ZSCAN4: variants seen among roughly 807,000 people sequenced by gnomAD.
The protein encoded by ZSCAN4 is zinc finger and SCAN domain containing 4, also known as zinc finger and SCAN domain-containing protein 4.
ZSCAN4 carries 18 observed loss-of-function variants against 18.3 expected under a neutral mutation model. The ratio of observed to expected loss-of-function variants is 0.98; its 90% CI spans 0.68 to 1.46. The LOEUF is 1.46. ZSCAN4 is among the 40% of genes most tolerant of loss of function. The probability of loss-of-function intolerance (pLI) is 0.00; values close to 1 mark genes in which losing one functional copy is unlikely to be tolerated. For missense variants in ZSCAN4, 498 were observed against 511.4 expected, an observed-to-expected ratio of 0.97 and a Z score of 0.25; for synonymous variants, 193 against 180.3, an observed-to-expected ratio of 1.07 and a Z score of -0.57.
intron 2 of ZSCAN4, among the ~76,000 whole-genome samples, chr19:57,671,970 A>C (rs1568450531): frequency 6.6e-6 from 1 of 152,224 alleles, no homozygotes. Flanking sequence ...AAATTGCACA[A>C]ATCTTTGAAA....
chr19:57,656,696 C>T, the ZSCAN4 span, among the ~76,000 whole-genome samples: 1 of 152,356 alleles, frequency 6.6e-6, no homozygotes, highest in South Asian at 2.1e-4. Flanking sequence ...ATTTGTGAAA[C>T]CTCTATCTAA....
At chr19:57,674,700 G>A (rs1984124261) in intron 2 of ZSCAN4, among the ~76,000 whole-genome samples, 1 of 152,080 alleles carries the variant, frequency 6.6e-6, no homozygotes. Flanking sequence ...TGGATCAAAT[G>A]ATGGTTCTAT....
chr19:57,673,755 T>G (rs34029313), intron 2 of ZSCAN4, among the ~76,000 whole-genome samples: 51,502 of 150,922 alleles, frequency 0.34, 8,985 homozygotes, highest in Non-Finnish European at 0.39. Flanking sequence ...TGATGATTAT[T>G]ATTATTATTA....
the ZSCAN4 span, among the ~76,000 whole-genome samples, chr19:57,653,323 G>A: frequency 6.7e-6 from 1 of 150,156 alleles, no homozygotes; most frequent in African/African-American, 2.5e-5. Context: ...GTAGGTGGAG[G>A]TTGCAGTGAG....
the ZSCAN4 span, among the ~76,000 whole-genome samples, chr19:57,653,020 C>T: frequency 6.6e-6 from 1 of 152,236 alleles, no homozygotes; most frequent in Non-Finnish European, 1.5e-5. Context: ...TTGGGGCCTT[C>T]GTTGTCCCCA....
At chr19:57,664,250 AGGGGTCGGGGGTC>A (rs1983795065), upstream of ZSCAN4, 1 of 102,350 alleles carries the variant, frequency 9.8e-6, no homozygotes, top group Non-Finnish European at 2.0e-5. Flanking sequence ...GATGAAAGTG[AGGGGTCGGGGGTC>A]GGGGTCGGGC....
the ZSCAN4 span, among the ~76,000 whole-genome samples, chr19:57,655,266 A>G: frequency 6.6e-5 from 10 of 152,184 alleles, no homozygotes; most frequent in Non-Finnish European, 1.2e-4. Context: ...ACGTGGGCCC[A>G]TCCTAGAACA....
intron 2 of ZSCAN4, among the ~76,000 whole-genome samples, chr19:57,671,305 G>A (rs776132401): frequency 6.6e-6 from 1 of 151,998 alleles, no homozygotes; most frequent in Non-Finnish European, 1.5e-5. Context: ...TTAGAGCTCC[G>A]GTAGCCTTGT....
chr19:57,664,234 T>C (rs1160292642), upstream of ZSCAN4: 1 of 108,778 alleles, frequency 9.2e-6, no homozygotes, highest in African/African-American at 3.6e-5. Context: ...AAGAAATTCC[T>C]GGGCAGATGA....
chr19:57,661,245 C>T, the ZSCAN4 span, among the ~76,000 whole-genome samples: 22,298 of 152,180 alleles, frequency 0.15, 1,707 homozygotes, highest in Middle Eastern at 0.18. Flanking sequence ...ACCCCTCCTT[C>T]TTCCACAACC....
At chr19:57,666,354 G>C (rs1983847676), upstream of ZSCAN4, among the ~76,000 whole-genome samples, 1 of 152,072 alleles carries the variant, frequency 6.6e-6, no homozygotes. Context: ...TTCTCTTTAC[G>C]ACTGTTGTAG....
chr19:57,659,542 G>A, the ZSCAN4 span, among the ~76,000 whole-genome samples: 3 of 152,112 alleles, frequency 2.0e-5, no homozygotes, highest in African/African-American at 7.2e-5. Context: ...ATTGCAAGTG[G>A]GAGCCGCTGC....
the ZSCAN4 span, among the ~76,000 whole-genome samples, chr19:57,663,412 C>T: frequency 1.4e-5 from 2 of 146,482 alleles, no homozygotes; most frequent in South Asian, 2.2e-4. Context: ...AGGCTGGGGG[C>T]GAGTGGCTCA....
At chr19:57,665,435 G>A (rs957531207), upstream of ZSCAN4, among the ~76,000 whole-genome samples, 4 of 152,040 alleles carry the variant, frequency 2.6e-5, no homozygotes, top group Admixed American at 2.6e-4. Flanking sequence ...TATCTCCAGT[G>A]TCTGCAGACA....
chr19:57,671,507 A>AAT (rs1984021878), intron 2 of ZSCAN4, among the ~76,000 whole-genome samples: 1 of 147,500 alleles, frequency 6.8e-6, no homozygotes, highest in Admixed American at 6.8e-5. Flanking sequence ...AAAAAAAAAA[A>AAT]AAAAGAGAGA....
chr19:57,668,093 G>A (rs1418021018), upstream of ZSCAN4, among the ~76,000 whole-genome samples: 6 of 151,858 alleles, frequency 4.0e-5, no homozygotes, highest in African/African-American at 9.7e-5. Flanking sequence ...TAGTAGAGAC[G>A]AGGTTTCATC....
the ZSCAN4 span, among the ~76,000 whole-genome samples, chr19:57,658,544 A>G: frequency 6.6e-6 from 1 of 152,210 alleles, no homozygotes; most frequent in Admixed American, 6.5e-5. Flanking sequence ...AAGAAGTAAT[A>G]TACTTCCTGC....
intron 2 of ZSCAN4, among the ~76,000 whole-genome samples, chr19:57,672,423 C>T (rs574641149): frequency 6.6e-6 from 1 of 152,186 alleles, no homozygotes; most frequent in East Asian, 1.9e-4. Context: ...CTTGTCTTTT[C>T]TATTTCATTC....
rs367836558 is a variant in ZSCAN4, at chr19:57,676,217, G to A, written c.72G>A (p.Ala24=). The A allele has an allele frequency of 6.2e-5, 100 of 1,614,004 alleles. No individual in the cohort carries two copies. In the Middle Eastern group the frequency reaches 6.6e-4, roughly 11 times the overall value. ...ATAATCTTGGATCAGAAAATTCAGC[G>A]TTTCAACAAAGCCAAGGACCTGCTG... Residue 24 remains alanine (A), a synonymous_variant, in exon 3 of 5, where the codon GCG becomes GCA. Coordinates refer to ENST00000318203, the Ensembl canonical transcript of ZSCAN4.
Sources: gnomAD v4.1 joint callset for allele counts (sites outside exome capture counted in the v4.1 genomes callset) on GRCh38, gnomAD v4.1.1 for gene constraint, MANE v1.5 for transcripts, NCBI Gene and HGNC (gene_info 2026-07-23, HGNC 2026-07-21) for gene names.